The following IMMP2L variants were observed in gnomAD, a reference collection of about 807,000 sequenced individuals.
The protein encoded by IMMP2L is inner mitochondrial membrane peptidase subunit 2.
Under a neutral mutation model 19.3 loss-of-function variants are expected in IMMP2L, and 18 were observed. That is an observed-to-expected ratio of 0.93 (90% CI 0.64 to 1.38). IMMP2L has a LOEUF of 1.38. IMMP2L is among the 40% of genes most tolerant of loss of function. The pLI is 0.00. For synonymous variants in IMMP2L, 76 were observed against 73.0 expected (o/e 1.04, Z -0.21); for missense variants, 233 against 218.2 (o/e 1.07, Z -0.43).
At chr7:111,133,040 T>C (rs1166642353) in intron 3 of IMMP2L, among the ~76,000 whole-genome samples, 1 of 152,002 alleles carries the variant, frequency 6.6e-6, no homozygotes, top group Non-Finnish European at 1.5e-5. Flanking sequence ...ATTTGTGTGT[T>C]AGTGCTCCTT....
intron 3 of IMMP2L, among the ~76,000 whole-genome samples, chr7:111,023,002 C>T (rs1826443447): frequency 1.3e-5 from 2 of 152,196 alleles, no homozygotes; most frequent in African/African-American, 4.8e-5. Flanking sequence ...CAGCTCTCTA[C>T]CAACTGCTCA....
chr7:110,683,954 G>A (rs1792921991), intron 5 of IMMP2L, among the ~76,000 whole-genome samples: 1 of 152,110 alleles, frequency 6.6e-6, no homozygotes, highest in South Asian at 2.1e-4. Context: ...AAACATGGTG[G>A]CAGAAGGCCA....
chr7:111,397,783 T>G (rs1047850950), intron 3 of IMMP2L, among the ~76,000 whole-genome samples: 1 of 152,146 alleles, frequency 6.6e-6, no homozygotes, highest in African/African-American at 2.4e-5. Context: ...AGGAGTGATA[T>G]GTTTGATGTT....
chr7:111,179,211 T>C (rs1233033129), intron 3 of IMMP2L, among the ~76,000 whole-genome samples: 1 of 151,934 alleles, frequency 6.6e-6, no homozygotes. Context: ...AAAAAAAAAT[T>C]TTATCTGAGA....
chr7:111,123,880 A>G lies in IMMP2L; in HGVS notation c.240-160315T>C, dbSNP rs1424058380. 1.2e-6 allele frequency: 2 copies of G among 1,613,902 alleles called. No homozygotes were observed. The highest frequency in any genetic ancestry group is 1.7e-6 in the Non-Finnish European group (2 of 1,179,978). On this transcript the variant is annotated intron_variant, in intron 3 of 5. Transcript: ENST00000405709. This position sits in a 1 kb window ranked among gnomAD's most constrained non-coding sequence, Gnocchi z 6.4. The stretch of plus-strand genomic sequence containing the variant: ...GGAAATCAGCATACACAGTAACCCC[A>G]TCAGGTGTGACTGTGTCATCCGTTG...
chr7:111,325,716 T>C (rs1358627568), intron 3 of IMMP2L, among the ~76,000 whole-genome samples: 3 of 151,754 alleles, frequency 2.0e-5, no homozygotes, highest in Non-Finnish European at 4.4e-5. Context: ...ATATATCATC[T>C]AAATACCTTT....
At chr7:111,458,167 T>A (rs903044450) in intron 3 of IMMP2L, among the ~76,000 whole-genome samples, 26 of 152,118 alleles carry the variant, frequency 1.7e-4, no homozygotes, top group African/African-American at 6.3e-4. Flanking sequence ...TCACTGGAGG[T>A]CAGGAGTTTG....
chr7:110,960,341 T>C (rs1818804570), intron 4 of IMMP2L, among the ~76,000 whole-genome samples: 1 of 151,944 alleles, frequency 6.6e-6, no homozygotes, highest in Non-Finnish European at 1.5e-5. Context: ...AAAAACCTTA[T>C]ACTCATTAGC....
intron 3 of IMMP2L, among the ~76,000 whole-genome samples, chr7:111,019,669 C>T (rs1452985057): frequency 6.6e-6 from 1 of 152,160 alleles, no homozygotes; most frequent in South Asian, 2.1e-4. Context: ...GAAAGTCAGA[C>T]TCCTGCCTAG....
At chr7:110,945,228 A>T (rs1817133328) in intron 4 of IMMP2L, among the ~76,000 whole-genome samples, 1 of 151,964 alleles carries the variant, frequency 6.6e-6, no homozygotes, top group Non-Finnish European at 1.5e-5. Context: ...TGGAAGGCAT[A>T]ATGAGATTAA....
At chr7:111,192,601 A>C (rs1396002560) in intron 3 of IMMP2L, among the ~76,000 whole-genome samples, 2 of 152,158 alleles carry the variant, frequency 1.3e-5, no homozygotes, top group Non-Finnish European at 2.9e-5. Flanking sequence ...ACAAATCAGT[A>C]AGACATTTGG....
At chr7:111,209,626 A>G (rs1404428569) in intron 3 of IMMP2L, among the ~76,000 whole-genome samples, 1 of 152,116 alleles carries the variant, frequency 6.6e-6, no homozygotes, top group African/African-American at 2.4e-5. Flanking sequence ...ATGCCCTCCT[A>G]TAATAATCAG....
Position 110,886,657 on chromosome 7 carries a change from C to T in IMMP2L, c.344G>A (p.Arg115His), listed in dbSNP as rs757761642. Residue 115 changes from arginine (R) to histidine (H), a missense_variant, in exon 5 of 6, where the codon CGT (arginine) becomes CAT (histidine). Transcript: ENST00000405709. ...ATCACCTTCAACCCAGATGTGACCA[C>T]GGGGGACTTTGACATACCGGTTTTT... ...GHKNRYVKVP[R>H]GHIWVEGDHH... The T allele has an allele frequency of 9.3e-6, 15 of 1,608,516 alleles. No individual in the cohort carries two copies. Among genetic ancestry groups the T allele is most frequent in the Middle Eastern group, 1.7e-4 (1 of 6,054 alleles).
chr7:110,982,211 AC>A (rs1821378539), intron 3 of IMMP2L, among the ~76,000 whole-genome samples: 1 of 152,098 alleles, frequency 6.6e-6, no homozygotes, highest in African/African-American at 2.4e-5. Flanking sequence ...CAACATAGAT[AC>A]CTTTGAGCTG....
chr7:111,170,987 T>A (rs1806376191), intron 3 of IMMP2L, among the ~76,000 whole-genome samples: 1 of 151,836 alleles, frequency 6.6e-6, no homozygotes, highest in African/African-American at 2.4e-5. Flanking sequence ...TGTCTTATAA[T>A]CAGGTTATAT....
At chr7:111,544,546 G>A (rs1286992749) in intron 1 of IMMP2L, among the ~76,000 whole-genome samples, 1 of 152,008 alleles carries the variant, frequency 6.6e-6, no homozygotes, top group Non-Finnish European at 1.5e-5. Flanking sequence ...CTATCACAGA[G>A]AAAATCAACA....
intron 3 of IMMP2L, among the ~76,000 whole-genome samples, chr7:111,243,335 C>T (rs1023510523): frequency 6.6e-6 from 1 of 151,998 alleles, no homozygotes; most frequent in Non-Finnish European, 1.5e-5. Flanking sequence ...ATAACTGAGG[C>T]ATGTTGACAG....
At chr7:110,827,470 C>G (rs911891196) in intron 5 of IMMP2L, among the ~76,000 whole-genome samples, 2 of 152,172 alleles carry the variant, frequency 1.3e-5, no homozygotes, top group African/African-American at 4.8e-5. Flanking sequence ...TGAGCCAGGG[C>G]CTGAGCCCCA....
intron 3 of IMMP2L, among the ~76,000 whole-genome samples, chr7:110,978,266 C>T (rs1820906621): frequency 6.6e-6 from 1 of 151,880 alleles, no homozygotes; most frequent in East Asian, 1.9e-4. Flanking sequence ...TATTTGTAGG[C>T]TTTTATTCCA....
Sources: gnomAD v4.1 joint callset for allele counts (sites outside exome capture counted in the v4.1 genomes callset) on GRCh38, gnomAD v4.1.1 for gene constraint, Gnocchi (gnomAD v3.1) non-coding constraint, MANE v1.5 for transcripts, NCBI Gene and HGNC (gene_info 2026-07-23, HGNC 2026-07-21) for gene names.